The following PRX variants were observed in gnomAD, a reference collection of about 807,000 sequenced individuals.
The protein encoded by PRX is periaxin.
In PRX, 24 loss-of-function variants were observed where a neutral mutation model predicts 29.6. That is an observed-to-expected ratio of 0.81 (90% CI 0.59 to 1.14). The LOEUF is 1.14. Among genes scored for constraint, PRX ranks in the 50% most tolerant of loss-of-function variants. The pLI, the probability that PRX is intolerant of heterozygous loss-of-function variation, is 0.00. For synonymous variants in PRX, 772 were observed against 831.7 expected (o/e 0.93, Z 1.24); for missense variants, 1,838 against 1,926.4 (o/e 0.95, Z 0.86).
chr19:40,401,237 C>A (rs1051425919), intron 5 of PRX, among the ~76,000 whole-genome samples: 2 of 152,150 alleles, frequency 1.3e-5, no homozygotes, highest in African/African-American at 4.8e-5. Context: ...ATCACAGTAG[C>A]CAGTTTGTTG....
Position 40,395,733 on chromosome 19 carries a change from G to A in PRX, c.2619C>T (p.Ala873=), listed in dbSNP as rs761066015. Residue 873 remains alanine (A), a synonymous_variant, in exon 7 of 7, where the codon GCC becomes GCT. Coordinates refer to ENST00000324001, the MANE Select transcript of PRX (RefSeq NM_181882.3). ...GALGLQGQVP[A]AKMGKGERVE... is the part of the protein sequence containing the mutation. ...CCCGCTCTCCCTTGCCCATTTTAGCGGCTGGGACCTGCCCCTGCAGGCCAA... is the reference window on the plus strand; with the variant it reads ...CCCGCTCTCCCTTGCCCATTTTAGCAGCTGGGACCTGCCCCTGCAGGCCAA... The A allele has an allele frequency of 1.8e-5, 29 of 1,613,872 alleles. No individual in the cohort carries two copies. Among genetic ancestry groups the A allele is most frequent in the East Asian group, 4.5e-5 (2 of 44,872 alleles).
At chr19:40,406,954 A>G (rs2079533825) in intron 4 of PRX, among the ~76,000 whole-genome samples, 1 of 151,400 alleles carries the variant, frequency 6.6e-6, no homozygotes, top group Non-Finnish European at 1.5e-5. Flanking sequence ...TTGTATTTTT[A>G]GCAGAGATGG....
intron 1 of PRX, among the ~76,000 whole-genome samples, chr19:40,412,918 G>A (rs942931559): frequency 3.9e-5 from 6 of 152,102 alleles, no homozygotes; most frequent in African/African-American, 1.4e-4. Context: ...TAGAGATGGG[G>A]GCCTCTCTAT....
rs369372933 is a variant in PRX, at chr19:40,394,509, G to A, written c.3843C>T (p.Leu1281=). ...TFCLSLPDVE[L]SPSGGNHAEY... is the part of the protein sequence containing the mutation. ...CGGCATGGTTGCCCCCGGATGGCGA[G>A]AGCTCCACGTCGGGCAGTGAGAGGC... Residue 1281 remains leucine (L), a synonymous_variant, in exon 7 of 7, where the codon CTC becomes CTT. Transcript: ENST00000324001. This position sits in a 1 kb window ranked among gnomAD's most constrained non-coding sequence, Gnocchi z 5.8. 4.4e-6 allele frequency: 7 copies of A among 1,600,506 alleles called. No individual in the cohort carries two copies. Among genetic ancestry groups the A allele is most frequent in the African/African-American group, 2.7e-5 (2 of 74,664 alleles).
intron 4 of PRX, 55 bp downstream of exon 4, chr19:40,407,851 G>T: frequency 6.2e-7 from 1 of 1,609,450 alleles, no homozygotes; most frequent in Non-Finnish European, 8.5e-7. Flanking sequence ...TGCTGCCCTA[G>T]TCTGTGCCTC....
At position 40,408,268 on chromosome 19, in the gene PRX, A is replaced by G. The variant is rs548000434; in HGVS notation, c.-198-12T>C. The G allele has an allele frequency of 1.3e-4, 66 of 499,712 alleles. No homozygotes were observed. In the East Asian group the frequency reaches 2.3e-3, roughly 18 times the overall value. 31.0% of individuals were successfully genotyped at this position (499,712 alleles called of 1,614,324 possible). A position where few individuals can be genotyped will look rare whatever the true frequency, so the allele number is the denominator to read the frequency against. ...GGGGTTCTTGCTGCCTGCCAGGGAAAGGCCAGGATGTGAAGCTCCAGGCAG... is the reference window on the plus strand; with the variant it reads ...GGGGTTCTTGCTGCCTGCCAGGGAAGGGCCAGGATGTGAAGCTCCAGGCAG... On this transcript the variant is annotated splice_polypyrimidine_tract_variant and intron_variant, in intron 2 of 6. Coordinates refer to ENST00000324001, the MANE Select transcript of PRX (RefSeq NM_181882.3).
chr19:40,403,747 C>G lies in PRX; in HGVS notation c.143G>C (p.Arg48Pro). ...GCTCCTGGCGGCGGGTGAGTCCTCG[C>G]GCAGCTCCCGAACGAAGATTCCCTC... Reference protein sequence around the residue: ...GKEGIFVRELREDSPAARSLS... With the variant: ...GKEGIFVRELPEDSPAARSLS... The change falls in exon 5 of 7, where the codon CGC (arginine) becomes CCC (proline). Residue 48 changes from arginine (R) to proline (P), a missense_variant. Coordinates refer to ENST00000324001, the MANE Select transcript of PRX (RefSeq NM_181882.3). The G allele has an allele frequency of 1.3e-6, 2 of 1,576,782 alleles. No homozygotes were observed. The highest frequency in any genetic ancestry group is 1.7e-6 in the Non-Finnish European group (2 of 1,162,650).
chr19:40,394,979 C>T lies in PRX; in HGVS notation c.3373G>A (p.Gly1125Ser), dbSNP rs148939995. Reference sequence around the variant, plus strand: ...TGCCCGGCTGTGGACACCTTCAGGCCTGACAGCTGCATTCCACTGACGGCC... The same window carrying T: ...TGCCCGGCTGTGGACACCTTCAGGCTTGACAGCTGCATTCCACTGACGGCC... ...AVAVSGMQLS[G>S]LKVSTAGQVV... Residue 1125 changes from glycine (G) to serine (S), a missense_variant, in exon 7 of 7, where the codon GGC (glycine) becomes AGC (serine). This residue lies in a region of PRX where 1,143 missense variants were observed against 1,193.0 expected (regional missense o/e 0.96). Transcript: ENST00000324001. This position sits in a 1 kb window ranked among gnomAD's most constrained non-coding sequence, Gnocchi z 5.8. 2.6e-3 allele frequency: 4,185 copies of T among 1,608,608 alleles called. 8 individuals are homozygous for T. The highest frequency in any genetic ancestry group is 3.3e-3 in the Non-Finnish European group (3,848 of 1,179,586).
chr19:40,414,727 A>C (rs1568720446), upstream of PRX, among the ~76,000 whole-genome samples: 1 of 152,078 alleles, frequency 6.6e-6, no homozygotes, highest in Non-Finnish European at 1.5e-5. Flanking sequence ...CACAGGGAGC[A>C]CAGGTACCCC....
chr19:40,399,676 G>T (rs1430498058), intron 5 of PRX, among the ~76,000 whole-genome samples: 1 of 152,088 alleles, frequency 6.6e-6, no homozygotes, highest in Admixed American at 6.6e-5. Context: ...GGAGTTCCTT[G>T]TCAGTCTCCA....
rs764866078 is a variant in PRX at position 40,395,082 on chromosome 19, G to A, written c.3270C>T (p.Thr1090=). 8.7e-6 allele frequency: 14 copies of A among 1,613,452 alleles called. No individual in the cohort carries two copies. The highest frequency in any genetic ancestry group is 1.7e-5 in the Admixed American group (1 of 60,036). Residue 1090 remains threonine (T), a synonymous_variant, in exon 7 of 7, where the codon ACC becomes ACT. Transcript: ENST00000324001. ...CCTCGGGGATCTTAAGCTGCACAGC[G>A]GTGGACTCAGCCTTTTCCCCCGGGC... ...RASPGEKAES[T]AVQLKIPEVE...
intron 4 of PRX, among the ~76,000 whole-genome samples, chr19:40,407,212 T>TTG (rs72256185): frequency 0.098 from 13,146 of 133,630 alleles, 719 homozygotes; most frequent in Non-Finnish European, 0.13. Context: ...TTATATGCCC[T>TTG]TGTGTGTGTG....
In PRX at chr19:40,394,392, G is replaced by A. The variant is rs149626915; in HGVS notation, c.3960C>T (p.Ala1320=). ...RFGLVRAKEG[A]EEGEKAKSPK... is the part of the protein sequence containing the mutation. Reference sequence around the variant, plus strand: ...GGCTCTTGGCCTTCTCACCCTCCTCGGCCCCCTCCTTGGCCCGCACCAGGC... The same window carrying A: ...GGCTCTTGGCCTTCTCACCCTCCTCAGCCCCCTCCTTGGCCCGCACCAGGC... The change falls in exon 7 of 7, where the codon GCC becomes GCT. Residue 1320 remains alanine, a synonymous_variant. Coordinates refer to ENST00000324001, the MANE Select transcript of PRX (RefSeq NM_181882.3). This position sits in a 1 kb window ranked among gnomAD's most constrained non-coding sequence, Gnocchi z 5.8. 7.8e-5 allele frequency: 125 copies of A among 1,600,118 alleles called. No individual in the cohort carries two copies. The African/African-American group carries it at 1.4e-3, about 18-fold the overall frequency.
At chr19:40,405,513 C>T (rs2079524691) in intron 4 of PRX, among the ~76,000 whole-genome samples, 1 of 151,422 alleles carries the variant, frequency 6.6e-6, no homozygotes, top group Non-Finnish European at 1.5e-5. Context: ...GGGGGCTGAG[C>T]AGGGCAGTCT....
chr19:40,398,063 G>T lies in PRX; in HGVS notation c.382-93C>A, dbSNP rs2079460397. 4.7e-6 allele frequency: 7 copies of T among 1,485,862 alleles called. No individual in the cohort carries two copies. Among genetic ancestry groups the T allele is most frequent in the Non-Finnish European group, 6.3e-6 (7 of 1,117,164 alleles). 92.0% of individuals were successfully genotyped at this position (1,485,862 alleles called of 1,614,324 possible). A position where few individuals can be genotyped will look rare whatever the true frequency, so the allele number is the denominator to read the frequency against. ...CCACCTGGTATTGGACCAGGCGGGG[G>T]ATGTGCTGGGTCAAGTATCTTGTTC... On this transcript the variant is annotated intron_variant, in intron 6 of 6. Coordinates refer to ENST00000324001, the MANE Select transcript of PRX (RefSeq NM_181882.3). The surrounding 1 kb of genome is among the most constrained non-coding windows in gnomAD (Gnocchi z 6.3).
chr19:40,406,041 G>A (rs2079528405), intron 4 of PRX, among the ~76,000 whole-genome samples: 11 of 151,404 alleles, frequency 7.3e-5, no homozygotes, highest in Admixed American at 7.2e-4. Context: ...GAGGTCAGGA[G>A]TTCAAGACCA....
At chr19:40,402,007 G>C (rs968640758) in intron 5 of PRX, among the ~76,000 whole-genome samples, 8 of 152,058 alleles carry the variant, frequency 5.3e-5, no homozygotes, top group Middle Eastern at 3.4e-3. Flanking sequence ...GCCCACCTCA[G>C]CCTCCCAAAG....
In PRX at chr19:40,408,199, C is replaced by T; in HGVS notation, c.-141G>A. 1.7e-6 allele frequency: 1 copy of T among 581,554 alleles called. No individual in the cohort carries two copies. Among genetic ancestry groups the T allele is most frequent in the Non-Finnish European group, 3.1e-6 (1 of 323,618 alleles). 36.0% of individuals were successfully genotyped at this position (581,554 alleles called of 1,614,324 possible). A position where few individuals can be genotyped will look rare whatever the true frequency, so the allele number is the denominator to read the frequency against. On this transcript the variant is annotated 5_prime_UTR_variant, in exon 3 of 7. Coordinates refer to ENST00000324001, the MANE Select transcript of PRX (RefSeq NM_181882.3). The stretch of plus-strand genomic sequence containing the variant: ...GCACTTCCTCCTAACAGGAGCCCAG[C>T]CCGAGGTGCCGCACAGCTGTCTGCA...
In PRX at chr19:40,396,608, C is replaced by T; in HGVS notation, c.1744G>A (p.Val582Ile). Reference protein sequence around the residue: ...VQLPKVPEMKVPEMKLPKVPE... With the variant: ...VQLPKVPEMKIPEMKLPKVPE... ...ACCTTTGGAAGCTTCATCTCAGGGA[C>T]TTTCATCTCTGGCACTTTCGGCAGC... Residue 582 changes from valine (V) to isoleucine (I), a missense_variant, in exon 7 of 7, where the codon GTC becomes ATC. Transcript: ENST00000324001. The T allele has an allele frequency of 6.2e-7, 1 of 1,613,244 alleles. No individual in the cohort carries two copies. Among genetic ancestry groups the T allele is most frequent in the Non-Finnish European group, 8.5e-7 (1 of 1,179,822 alleles).
Sources: gnomAD v4.1 joint callset for allele counts (sites outside exome capture counted in the v4.1 genomes callset) on GRCh38, gnomAD v4.1.1 for gene constraint, gnomAD v4.1.1 regional missense constraint, Gnocchi (gnomAD v3.1) non-coding constraint, MANE v1.5 for transcripts, NCBI Gene and HGNC (gene_info 2026-07-23, HGNC 2026-07-21) for gene names.